Variants in CHM observed in about 807,000 individuals in gnomAD.
The protein encoded by CHM is rab proteins geranylgeranyltransferase component A 1.
In CHM, 10 loss-of-function variants were observed where a neutral mutation model predicts 49.0. The observed-to-expected ratio is 0.20, with a 90% CI of 0.13 to 0.35. The LOEUF is 0.35. Among genes scored for constraint, CHM ranks in the 10% least tolerant of loss-of-function variants. The pLI is 1.00. For missense variants in CHM, 455 were observed against 478.4 expected, an observed-to-expected ratio of 0.95 and a Z score of 0.46; for synonymous variants, 184 against 167.5, an observed-to-expected ratio of 1.10 and a Z score of -0.76.
intron 12 of CHM, among the ~76,000 whole-genome samples, chrX:85,888,838 T>C (rs927683222): frequency 1.8e-5 from 2 of 112,388 alleles, no homozygotes; most frequent in African/African-American, 6.5e-5. Flanking sequence ...TCAGTTTAAA[T>C]GGCATAACCA....
chrX:85,889,946 G>A (rs1925337461), intron 12 of CHM, among the ~76,000 whole-genome samples: 1 of 111,622 alleles, frequency 9.0e-6, no homozygotes, highest in African/African-American at 3.3e-5. Flanking sequence ...AATTAACACA[G>A]AAATAGAAAT....
intron 12 of CHM, among the ~76,000 whole-genome samples, chrX:85,884,790 C>A (rs1924987060): frequency 9.1e-6 from 1 of 110,392 alleles, no homozygotes; most frequent in African/African-American, 3.3e-5. Flanking sequence ...ACACTTAAGA[C>A]TACATACAGT....
intron 2 of CHM, among the ~76,000 whole-genome samples, chrX:86,007,607 G>C (rs1366869122): frequency 8.9e-6 from 1 of 112,258 alleles, no homozygotes; most frequent in African/African-American, 3.2e-5. Flanking sequence ...GATATTAGTA[G>C]ACACTTCTCA....
chrX:85,932,775 ACACTACTGCCC>A (rs1928512130), intron 8 of CHM, among the ~76,000 whole-genome samples: 1 of 111,856 alleles, frequency 8.9e-6, no homozygotes, highest in African/African-American at 3.3e-5. Flanking sequence ...ATCATAGCAT[ACACTACTGCCC>A]CACCACAATG....
At chrX:85,947,963 T>C (rs892346372) in intron 8 of CHM, among the ~76,000 whole-genome samples, 43 of 111,933 alleles carry the variant, frequency 3.8e-4, no homozygotes, top group African/African-American at 1.3e-3. Context: ...AGGAAAAAAT[T>C]AGATCAAATC....
chrX:86,015,855 G>A lies in CHM; in HGVS notation c.116+11636C>T, dbSNP rs919382733. ...AGCATTCAAGAGGTGACTTGGGGCCGGGCGGGGTGGCTCACGCCTGTAATC... is the reference window on the plus strand; with the variant it reads ...AGCATTCAAGAGGTGACTTGGGGCCAGGCGGGGTGGCTCACGCCTGTAATC... On this transcript the variant is annotated intron_variant, in intron 2 of 14. Transcript: ENST00000357749. Among the ~76,000 whole-genome samples, 5 of 112,447 alleles carry A rather than the reference G, an allele frequency of 4.4e-5. 1 individual carries two copies. The highest frequency in any genetic ancestry group is 3.8e-5 in the Non-Finnish European group (2 of 53,243).
chrX:85,919,912 G>GA (rs755735249), intron 8 of CHM, among the ~76,000 whole-genome samples: 14 of 102,611 alleles, frequency 1.4e-4, no homozygotes, highest in South Asian at 1.3e-3. Flanking sequence ...ATGCCCAAGT[G>GA]AAAAAAAAAA....
At chrX:85,895,616 T>G (rs746540819) in intron 11 of CHM, among the ~76,000 whole-genome samples, 1 of 112,392 alleles carries the variant, frequency 8.9e-6, no homozygotes, top group Non-Finnish European at 1.9e-5. Context: ...GTCACAGTGA[T>G]GGCCCAAAGA....
chrX:85,903,708 C>A (rs1272580401), intron 9 of CHM: 1 of 382,907 alleles, frequency 2.6e-6, no homozygotes, highest in South Asian at 2.4e-5. Flanking sequence ...GATAAGCTCC[C>A]AAATCCCAGG....
Position 85,957,983 on chromosome X carries a change from ATAT to A in CHM, c.820-11_820-9del, listed in dbSNP as rs765116841. On this transcript the variant is annotated splice_polypyrimidine_tract_variant and intron_variant, in intron 6 of 14. Transcript: ENST00000357749. ...TGCTCTGGAACACGGAACCTGAAAA[ATAT>A]TATGATTTTAAGTTAAGAAACTGCT... The A allele has an allele frequency of 9.1e-6, 11 of 1,207,508 alleles. No individual in the cohort carries two copies. In the African/African-American group the frequency reaches 1.9e-4, roughly 21 times the overall value.
At chrX:85,890,782 C>T (rs367708919) in intron 12 of CHM, among the ~76,000 whole-genome samples, 26 of 111,523 alleles carry the variant, frequency 2.3e-4, no homozygotes, top group African/African-American at 8.5e-4. Flanking sequence ...AAAAGATACC[C>T]GAAAATGTGA....
At chrX:85,949,517 C>T (rs1929610953) in intron 8 of CHM, among the ~76,000 whole-genome samples, 1 of 110,297 alleles carries the variant, frequency 9.1e-6, no homozygotes, top group African/African-American at 3.3e-5. Context: ...TTGAATCAGG[C>T]AATGACACAG....
intron 1 of CHM, among the ~76,000 whole-genome samples, chrX:86,042,834 T>A (rs190313083): frequency 1.9e-5 from 2 of 107,960 alleles, no homozygotes; most frequent in East Asian, 5.9e-4. Flanking sequence ...AAAAAAAAAT[T>A]AAAAAATAAA....
intron 8 of CHM, among the ~76,000 whole-genome samples, chrX:85,934,798 C>T (rs190570664): frequency 2.0e-4 from 22 of 110,615 alleles, no homozygotes; most frequent in Admixed American, 1.7e-3. Context: ...GGTATATACC[C>T]AGTAATGTTT....
intron 8 of CHM, among the ~76,000 whole-genome samples, chrX:85,924,908 C>T (rs1240324588): frequency 9.0e-6 from 1 of 111,651 alleles, no homozygotes; most frequent in South Asian, 3.7e-4. Context: ...CCAAAAAGTG[C>T]CTCCTTTTTA....
At chrX:85,954,196 G>C (rs1929894864) in intron 8 of CHM, among the ~76,000 whole-genome samples, 1 of 112,202 alleles carries the variant, frequency 8.9e-6, no homozygotes, top group Admixed American at 9.4e-5. Flanking sequence ...CTGATCATCA[G>C]AGAAATGCAC....
chrX:85,983,598 C>A (rs186569024), intron 2 of CHM, among the ~76,000 whole-genome samples: 159 of 111,834 alleles, frequency 1.4e-3, no homozygotes, highest in Middle Eastern at 4.7e-3. Context: ...ACTACTGACA[C>A]TATATTTATT....
At chrX:86,032,378 A>G (rs1287972092) in intron 1 of CHM, among the ~76,000 whole-genome samples, 1 of 111,492 alleles carries the variant, frequency 9.0e-6, no homozygotes, top group Non-Finnish European at 1.9e-5. Context: ...ACAAAACGGT[A>G]TCAAACACTA....
rs1049241026 is a variant in CHM at position 86,001,091 on chromosome X, G to A, written c.117-19282C>T. On this transcript the variant is annotated intron_variant, in intron 2 of 14. Transcript: ENST00000357749. ...TTGTATACATGTATGAAAATATCAC[G>A]TATACCCCAAAAATATATACAACTA... is the stretch of plus-strand genomic sequence containing the variant. Among the ~76,000 whole-genome samples the A allele has an allele frequency of 2.8e-4, 31 of 111,178 alleles. 1 individual carries two copies. The highest frequency in any genetic ancestry group is 2.7e-3 in the Admixed American group (28 of 10,467).
Sources: allele counts gnomAD v4.1 joint callset (sites outside exome capture counted in the v4.1 genomes callset), GRCh38; gene constraint gnomAD v4.1.1; transcripts MANE v1.5; gene names NCBI Gene and HGNC (gene_info 2026-07-23, HGNC 2026-07-21).